Variants in ZNF324B observed in about 807,000 individuals in gnomAD.
ZNF324B encodes the protein zinc finger protein 324B.
Under a neutral mutation model 10.6 loss-of-function variants are expected in ZNF324B, and 7 were observed. The observed-to-expected ratio is 0.66, with a 90% CI of 0.38 to 1.24. The LOEUF is 1.24. Among genes scored for constraint, ZNF324B ranks in the 50% most tolerant of loss-of-function variants. The pLI, the probability that ZNF324B is intolerant of heterozygous loss-of-function variation, is 0.02. For synonymous variants in ZNF324B, 316 were observed against 321.0 expected, an observed-to-expected ratio of 0.98 and a Z score of 0.17; for missense variants, 640 against 764.7, an observed-to-expected ratio of 0.84 and a Z score of 1.92.
At chr19:58,444,786 A>G in the ZNF324B span, 1 of 152,296 alleles carries the variant, frequency 6.6e-6, no homozygotes, top group Non-Finnish European at 1.5e-5. Context: ...TATTATGAGC[A>G]TGGGAAGGCC....
chr19:58,431,220 G>A, the ZNF324B span: 1 of 152,236 alleles, frequency 6.6e-6, no homozygotes, highest in East Asian at 1.9e-4. Flanking sequence ...ACTGCCTAAC[G>A]TTCAGCCAGG....
chr19:58,424,204 G>A, the ZNF324B span, among the ~76,000 whole-genome samples: 22 of 152,046 alleles, frequency 1.4e-4, no homozygotes, highest in African/African-American at 3.1e-4. Context: ...AGCTGAGATC[G>A]CACCATTGCA....
the ZNF324B span, among the ~76,000 whole-genome samples, chr19:58,427,291 T>TTTCTTTCTTTCTTTCTTTC: frequency 1.1e-3 from 63 of 58,384 alleles, 3 homozygotes; most frequent in African/African-American, 2.3e-3. Flanking sequence ...TGCCTGGCTT[T>TTTCTTTCTTTCTTTCTTTC]TTTCTTTCTT....
chr19:58,434,557 C>A, the ZNF324B span: 1 of 1,614,054 alleles, frequency 6.2e-7, no homozygotes, highest in African/African-American at 1.3e-5. Flanking sequence ...GGCCTTCCCA[C>A]ACTCCTTACA....
In ZNF324B at chr19:58,456,543, GAAGCC is replaced by G; in HGVS notation, c.1605_1609del (p.Val538GlufsTer20). The G allele has an allele frequency of 6.2e-7, 1 of 1,614,132 alleles. No homozygotes were observed. Among genetic ancestry groups the G allele is most frequent in the Admixed American group, 1.7e-5 (1 of 60,022 alleles). ...ATCATCGGAAGGTGCGCCGGGGAGG[GAAGCC>G]AAGCCCAGTCCTGAAGCCAGCGAAG... On this transcript the variant is annotated frameshift_variant, in exon 4 of 4. Transcript: ENST00000336614. LOFTEE classifies it low-confidence loss of function (END_TRUNC). This position sits in a 1 kb window ranked among gnomAD's most constrained non-coding sequence, Gnocchi z 4.7.
At chr19:58,419,082 C>G in the ZNF324B span, 2 of 152,242 alleles carry the variant, frequency 1.3e-5, no homozygotes, top group South Asian at 2.1e-4. Context: ...CAAGGTTGGC[C>G]TAATTTGTAT....
chr19:58,450,277 C>A (rs1464708825), upstream of ZNF324B, among the ~76,000 whole-genome samples: 1 of 151,950 alleles, frequency 6.6e-6, no homozygotes, highest in Non-Finnish European at 1.5e-5. Flanking sequence ...ATTACCCAGT[C>A]TCAGATATGT....
Position 58,454,278 on chromosome 19 carries a change from G to A in ZNF324B, c.172G>A (p.Glu58Lys). ...RVVIQLERGE[E>K]PWVPSGKDMT... ...GGTCATTCAACTTGAGCGTGGCGAG[G>A]AGCCCTGGGTTCCCAGTGGAAAGGA... The change falls in exon 3 of 4, where the codon GAG becomes AAG. Residue 58 changes from glutamate to lysine, a missense_variant. Glu to Lys is a moderately conservative substitution (Grantham distance 56, BLOSUM62 1). Coordinates refer to ENST00000336614, the MANE Select transcript of ZNF324B (RefSeq NM_207395.3). 2 of 1,614,132 alleles carry A rather than the reference G, an allele frequency of 1.2e-6. No individual in the cohort carries two copies. Among genetic ancestry groups the A allele is most frequent in the South Asian group, 2.2e-5 (2 of 91,080 alleles).
At chr19:58,453,121 A>G (rs1033720111) in intron 1 of ZNF324B, 2 of 152,052 alleles carry the variant, frequency 1.3e-5, no homozygotes, top group Non-Finnish European at 2.9e-5. Context: ...AAATAAATAA[A>G]TAAATAAATT....
At chr19:58,447,685 A>G (rs2052834321), upstream of ZNF324B, among the ~76,000 whole-genome samples, 1 of 152,270 alleles carries the variant, frequency 6.6e-6, no homozygotes, top group Non-Finnish European at 1.5e-5. Flanking sequence ...CCTGAGAAAC[A>G]TGGTGAAACC....
chr19:58,446,607 T>C, the ZNF324B span, among the ~76,000 whole-genome samples: 13 of 141,392 alleles, frequency 9.2e-5, no homozygotes, highest in Non-Finnish European at 1.7e-4. Context: ...AGATGGAGTC[T>C]TTCTCTGTCA....
chr19:58,426,763 AG>A, the ZNF324B span, among the ~76,000 whole-genome samples: 1,237 of 152,364 alleles, frequency 8.1e-3, 15 homozygotes, highest in South Asian at 0.022. Flanking sequence ...GCAAAGGCCC[AG>A]GGGCAAGGAA....
the ZNF324B span, chr19:58,435,277 A>T: frequency 2.6e-6 from 4 of 1,534,066 alleles, no homozygotes; most frequent in Non-Finnish European, 3.5e-6. Context: ...CTTCATTAGA[A>T]ATGTTACCCA....
rs374446343 is a variant in ZNF324B, at chr19:58,451,634, C to T, written c.-77C>T. 3.2e-4 allele frequency: 167 copies of T among 517,390 alleles called. 1 individual carries two copies. The highest frequency in any genetic ancestry group is 3.1e-3 in the African/African-American group (163 of 51,808). 32.0% of individuals were successfully genotyped at this position (517,390 alleles called of 1,614,324 possible). A position where few individuals can be genotyped will look rare whatever the true frequency, so the allele number is the denominator to read the frequency against. On this transcript the variant is annotated 5_prime_UTR_variant, in exon 1 of 4. Coordinates refer to ENST00000336614, the MANE Select transcript of ZNF324B (RefSeq NM_207395.3). ...CGGCGTTGGGACTGTCACTTGGCTG[C>T]TCGCGTCAGGCCACACCGGTGGTCT...
chr19:58,422,702 C>A, the ZNF324B span, among the ~76,000 whole-genome samples: 1 of 152,088 alleles, frequency 6.6e-6, no homozygotes, highest in Non-Finnish European at 1.5e-5. Context: ...AGGTGAAACA[C>A]CTCTACAAGG....
At chr19:58,437,068 G>C in the ZNF324B span, 107 of 1,614,162 alleles carry the variant, frequency 6.6e-5, no homozygotes, top group African/African-American at 1.3e-3. Flanking sequence ...ACAAGCTCAA[G>C]GTTTTCCAGC....
chr19:58,451,997 G>A (rs550074144), intron 1 of ZNF324B: 2,534 of 241,022 alleles, frequency 0.011, 49 homozygotes, highest in African/African-American at 0.049. Context: ...CGCGCCGGGG[G>A]GGCGGGGGAG....
rs1296197732 is a variant in ZNF324B at position 58,451,670 on chromosome 19, G to T, written c.-41G>T. The T allele has an allele frequency of 7.9e-6, 4 of 506,166 alleles. No homozygotes were observed. Among genetic ancestry groups the T allele is most frequent in the Admixed American group, 6.1e-5 (3 of 49,520 alleles). 31.4% of individuals were successfully genotyped at this position (506,166 alleles called of 1,614,324 possible). ...CCACACCGGTGGTCTGGGCTGTGGC[G>T]CGCGGGTCGGGGCCCGAGGCGGGCG... is the stretch of plus-strand genomic sequence containing the variant. On this transcript the variant is annotated 5_prime_UTR_variant, in exon 1 of 4. Transcript: ENST00000336614.
At chr19:58,447,162 G>C (rs185208105), upstream of ZNF324B, among the ~76,000 whole-genome samples, 124 of 151,880 alleles carry the variant, frequency 8.2e-4, no homozygotes, top group African/African-American at 2.9e-3. Context: ...TTTTACTAGA[G>C]ACGGAGTTTC....
Sources: gnomAD v4.1 joint callset for allele counts (sites outside exome capture counted in the v4.1 genomes callset) on GRCh38, gnomAD v4.1.1 for gene constraint, Gnocchi (gnomAD v3.1) non-coding constraint, MANE v1.5 for transcripts, NCBI Gene and HGNC (gene_info 2026-07-23, HGNC 2026-07-21) for gene names.